The following ADCY1 variants were observed in gnomAD, a reference collection of about 807,000 sequenced individuals.
ADCY1 encodes the protein adenylate cyclase type 1.
A neutral mutation model predicts 105.4 loss-of-function variants in ADCY1; 28 were observed. That is an observed-to-expected ratio of 0.27 (90% CI 0.20 to 0.36). ADCY1 has a LOEUF of 0.36. ADCY1 is among the 10% of genes least tolerant of loss of function. ADCY1 has a pLI of 1.00. For missense variants in ADCY1, 977 were observed against 1,434.2 expected (o/e 0.68, Z 5.15); for synonymous variants, 655 against 623.8 (o/e 1.05, Z -0.75).
At chr7:45,636,194 A>G (rs953460426) in intron 4 of ADCY1, among the ~76,000 whole-genome samples, 2 of 152,230 alleles carry the variant, frequency 1.3e-5, no homozygotes, top group African/African-American at 2.4e-5. Context: ...CTTACAGGGC[A>G]TTGTTCTAAG....
At position 45,710,055 on chromosome 7, in the gene ADCY1, GCC is replaced by G. The variant is rs1482174994; in HGVS notation, c.2933-471_2933-470del. ...CTGCACCATCTTGCTTAGTTATGGG[GCC>G]CATACTCTAAAATAGCCATAAGGTC... On this transcript the variant is annotated intron_variant, in intron 18 of 19. Coordinates refer to ENST00000297323, the MANE Select transcript of ADCY1 (RefSeq NM_021116.4). This position sits in a 1 kb window ranked among gnomAD's most constrained non-coding sequence, Gnocchi z 4.7. Among the ~76,000 whole-genome samples, 2 of 152,188 alleles carry G rather than the reference GCC, an allele frequency of 1.3e-5. No individual in the cohort carries two copies. Among genetic ancestry groups the G allele is most frequent in the Non-Finnish European group, 2.9e-5 (2 of 68,032 alleles).
At chr7:45,702,164 C>T (rs2461117) in intron 14 of ADCY1, among the ~76,000 whole-genome samples, 87,863 of 152,070 alleles carry the variant, frequency 0.58, 26,365 homozygotes, top group East Asian at 0.79. Flanking sequence ...TGCAGTCTAG[C>T]GGCATATTCG....
Position 45,686,132 on chromosome 7 carries a change from C to T in ADCY1, c.2244C>T (p.Ser748=), listed in dbSNP as rs1584331185. The part of the protein sequence containing the change: ...TLPLAIFFRV[S]SLPKMILLSG... ...CGCTAGCCATATTTTTCCGGGTGTC[C>T]TCCTTGCCAAAAATGATCCTGCTCT... The change falls in exon 13 of 20, where the codon TCC becomes TCT. Residue 748 remains serine, a synonymous_variant. Coordinates refer to ENST00000297323, the MANE Select transcript of ADCY1 (RefSeq NM_021116.4). This position sits in a 1 kb window ranked among gnomAD's most constrained non-coding sequence, Gnocchi z 4.3. The T allele has an allele frequency of 7.4e-6, 12 of 1,614,088 alleles. No individual in the cohort carries two copies. In the Admixed American group the frequency reaches 1.7e-4, roughly 22 times the overall value.
intron 2 of ADCY1, among the ~76,000 whole-genome samples, chr7:45,601,549 C>T (rs1793241156): frequency 6.6e-6 from 1 of 152,034 alleles, no homozygotes; most frequent in South Asian, 2.1e-4. Flanking sequence ...TTTTCCAGTC[C>T]TCCTTCTGGT....
At chr7:45,665,557 T>C (rs1180125190) in intron 8 of ADCY1, among the ~76,000 whole-genome samples, 2 of 152,250 alleles carry the variant, frequency 1.3e-5, no homozygotes, top group Non-Finnish European at 2.9e-5. Context: ...CTTAAATATT[T>C]AAGCTTGAAT....
intron 8 of ADCY1, among the ~76,000 whole-genome samples, chr7:45,671,258 G>A (rs1784360046): frequency 6.6e-6 from 1 of 151,914 alleles, no homozygotes; most frequent in African/African-American, 2.4e-5. Context: ...AGTTGTGTGT[G>A]TTAATAGTGC....
chr7:45,609,928 A>G (rs1247198308), intron 2 of ADCY1, among the ~76,000 whole-genome samples: 2 of 152,222 alleles, frequency 1.3e-5, no homozygotes, highest in Admixed American at 1.3e-4. Context: ...AGAATGCCAC[A>G]TGGTCCCGTA....
intron 3 of ADCY1, among the ~76,000 whole-genome samples, chr7:45,610,726 G>A (rs1301730641): frequency 1.8e-4 from 27 of 150,846 alleles, no homozygotes; most frequent in African/African-American, 6.6e-4. Flanking sequence ...GTGAGGAGGG[G>A]ATAGTGGAGG....
rs35743607 is a variant in ADCY1, at chr7:45,678,714, C to CAA, written c.1898+470_1898+471dup. Among the ~76,000 whole-genome samples the CAA allele has an allele frequency of 2.3e-3, 226 of 96,418 alleles. 1 individual carries two copies. The highest frequency in any genetic ancestry group is 8.4e-3 in the East Asian group (30 of 3,584). 63.3% of individuals were successfully genotyped at this position (96,418 alleles called of 152,430 possible). A position where few individuals can be genotyped will look rare whatever the true frequency, so the allele number is the denominator to read the frequency against. On this transcript the variant is annotated intron_variant, in intron 10 of 19. Coordinates refer to ENST00000297323, the MANE Select transcript of ADCY1 (RefSeq NM_021116.4). ...GAGCAATATAGCAACACTCTATCTA[C>CAA]AAAAAAAAAAAAAAAAAAAATTAGC...
chr7:45,685,169 C>T (rs1343014471), intron 12 of ADCY1, 101 bp downstream of exon 12: 5 of 1,116,670 alleles, frequency 4.5e-6, no homozygotes, highest in Middle Eastern at 2.1e-4. Context: ...ACAGGGAGGT[C>T]ATCAGAGACG....
chr7:45,657,624 A>G (rs143699506), intron 5 of ADCY1, 103 bp from the exon 6 acceptor site: 229 of 1,254,518 alleles, frequency 1.8e-4, no homozygotes, highest in South Asian at 2.6e-4. Flanking sequence ...CAAGGACAAG[A>G]CCCAGTTTCC....
In ADCY1 at chr7:45,660,309, T is replaced by C; in HGVS notation, c.1449+126T>C. 5 of 1,335,716 alleles carry C rather than the reference T, an allele frequency of 3.7e-6. No individual in the cohort carries two copies. The Admixed American group carries it at 8.2e-5, about 22-fold the overall frequency. The allele number at this position is 1,335,716 out of a possible 1,614,324, so 82.7% of individuals were successfully genotyped here. A position where few individuals can be genotyped will look rare whatever the true frequency, so the allele number is the denominator to read the frequency against. ...TCTCTGGGCTGTGAACTTGCTAAGATGGGGAGAGTTGTCCCCACTGACACC... is the reference window on the plus strand; with the variant it reads ...TCTCTGGGCTGTGAACTTGCTAAGACGGGGAGAGTTGTCCCCACTGACACC... On this transcript the variant is annotated intron_variant, in intron 7 of 19. Coordinates refer to ENST00000297323, the MANE Select transcript of ADCY1 (RefSeq NM_021116.4).
chr7:45,702,059 C>G (rs955514356), intron 14 of ADCY1, among the ~76,000 whole-genome samples: 2 of 152,240 alleles, frequency 1.3e-5, no homozygotes, highest in African/African-American at 4.8e-5. Context: ...TCACACACAC[C>G]CCCATCCTCG....
chr7:45,584,672 C>T (rs193202615), intron 1 of ADCY1, among the ~76,000 whole-genome samples: 22 of 152,350 alleles, frequency 1.4e-4, no homozygotes, highest in Non-Finnish European at 2.8e-4. Flanking sequence ...TCCCTGTGCC[C>T]CCCACCTACC....
At chr7:45,592,709 G>C in intron 1 of ADCY1, 50 bp from the exon 2 acceptor site, 3 of 1,611,266 alleles carry the variant, frequency 1.9e-6, no homozygotes, top group Non-Finnish European at 2.5e-6. Context: ...GGCCCTCTTT[G>C]TGTGTGTGGG....
intron 4 of ADCY1, among the ~76,000 whole-genome samples, chr7:45,638,731 G>T (rs868112637): frequency 7.2e-5 from 11 of 152,028 alleles, no homozygotes; most frequent in Admixed American, 1.3e-4. Context: ...GTGTCTGGGA[G>T]TATGGCAGCA....
chr7:45,648,543 TG>T (rs1020778556), intron 4 of ADCY1, 126 bp from the exon 5 acceptor site: 22 of 1,297,692 alleles, frequency 1.7e-5, no homozygotes, highest in Middle Eastern at 2.5e-4. Flanking sequence ...GGGAAGGTGG[TG>T]GCCCAGGTGC....
intron 8 of ADCY1, among the ~76,000 whole-genome samples, chr7:45,669,550 C>T (rs943851408): frequency 8.5e-5 from 13 of 152,076 alleles, no homozygotes; most frequent in African/African-American, 2.9e-4. Context: ...TTACTTCCAA[C>T]TATGTGGTCA....
chr7:45,651,755 C>T (rs1180316378), intron 5 of ADCY1, among the ~76,000 whole-genome samples: 1 of 152,194 alleles, frequency 6.6e-6, no homozygotes, highest in Non-Finnish European at 1.5e-5. Flanking sequence ...CACTGACTTC[C>T]TCTTTTAATA....
Sources: allele counts gnomAD v4.1 joint callset (sites outside exome capture counted in the v4.1 genomes callset), GRCh38; gene constraint gnomAD v4.1.1; non-coding constraint Gnocchi (gnomAD v3.1); transcripts MANE v1.5; gene names NCBI Gene and HGNC (gene_info 2026-07-23, HGNC 2026-07-21).